ZNF618: variants seen among roughly 807,000 people sequenced by gnomAD.
The protein encoded by ZNF618 is zinc finger protein 618.
Under a neutral mutation model 103.0 loss-of-function variants are expected in ZNF618, and 34 were observed. That is an observed-to-expected ratio of 0.33 (90% CI 0.25 to 0.44). The LOEUF is 0.44. ZNF618 is among the 20% of genes least tolerant of loss of function. ZNF618 has a pLI of 1.00. For synonymous variants in ZNF618, 551 were observed against 542.2 expected, an observed-to-expected ratio of 1.02 and a Z score of -0.23; for missense variants, 1,059 against 1,295.4, an observed-to-expected ratio of 0.82 and a Z score of 2.80.
chr9:114,036,386 G>A lies in ZNF618; in HGVS notation c.1246+9G>A. On this transcript the variant is annotated intron_variant, in intron 13 of 14. Transcript: ENST00000374126. ...CATGCAGTCCCATGCAGGTAAGTAG[G>A]ATACGGCTTCTCTCCCCCTCTCCTT... The A allele has an allele frequency of 6.4e-7, 1 of 1,568,390 alleles. No individual in the cohort carries two copies. Among genetic ancestry groups the A allele is most frequent in the Admixed American group, 1.9e-5 (1 of 53,208 alleles).
chr9:113,969,169 C>T lies in ZNF618; in HGVS notation c.77+9C>T, dbSNP rs772126632. On this transcript the variant is annotated intron_variant, in intron 2 of 14. Coordinates refer to ENST00000374126, the MANE Select transcript of ZNF618 (RefSeq NM_001318042.2). ...AAAAGCACTGCGAGCAGGTACACTC[C>T]CTCTCCCGCCCCCAGCTTGTCCACC... is the stretch of plus-strand genomic sequence containing the variant. 1.5e-5 allele frequency: 25 copies of T among 1,613,850 alleles called. No individual in the cohort carries two copies. The highest frequency in any genetic ancestry group is 1.9e-5 in the Non-Finnish European group (22 of 1,179,896).
rs2134645858 is a variant in ZNF618 at position 114,047,905 on chromosome 9, A to G, written c.1259A>G (p.Asn420Ser). Residue 420 changes from asparagine to serine, a missense_variant, in exon 14 of 15, where the codon AAC becomes AGC. Asn to Ser is a conservative substitution (Grantham distance 46, BLOSUM62 1). Transcript: ENST00000374126. ...HMQSHAADNENNIASNQSRSP... is the reference protein window; with the variant it reads ...HMQSHAADNESNIASNQSRSP... Reference sequence around the variant, plus strand: ...TTTGTGCCCACAGCTGACAATGAAAACAACATTGCCTCCAACCAGTCCCGA... The same window carrying G: ...TTTGTGCCCACAGCTGACAATGAAAGCAACATTGCCTCCAACCAGTCCCGA... 5.0e-6 allele frequency: 8 copies of G among 1,600,954 alleles called. No individual in the cohort carries two copies. The highest frequency in any genetic ancestry group is 6.8e-6 in the Non-Finnish European group (8 of 1,173,842).
intron 10 of ZNF618, 117 bp from the exon 11 acceptor site, chr9:114,028,616 C>A: frequency 1.5e-6 from 2 of 1,356,086 alleles, no homozygotes; most frequent in Non-Finnish European, 2.0e-6. Context: ...CTCTGTGGCA[C>A]AAGAAGAGGT....
At chr9:114,026,656 G>C (rs528192084) in intron 10 of ZNF618, among the ~76,000 whole-genome samples, 1 of 152,366 alleles carries the variant, frequency 6.6e-6, no homozygotes, top group South Asian at 2.1e-4. Flanking sequence ...CACTAACTTT[G>C]TGTGTTGCCA....
chr9:114,024,748 T>C (rs1443271810), intron 10 of ZNF618, among the ~76,000 whole-genome samples: 6 of 140,476 alleles, frequency 4.3e-5, no homozygotes. Context: ...CCATCCCCCA[T>C]TAGCTGTTTT....
rs10121277 is a variant in ZNF618 at position 114,022,811 on chromosome 9, C to A, written c.845-5922C>A. On this transcript the variant is annotated intron_variant, in intron 10 of 14. Coordinates refer to ENST00000374126, the MANE Select transcript of ZNF618 (RefSeq NM_001318042.2). ...TTGTCAGTCTTCAATTTATGTAATTCGAACCTTTGTTATTAGGTACACACA... is the reference window on the plus strand; with the variant it reads ...TTGTCAGTCTTCAATTTATGTAATTAGAACCTTTGTTATTAGGTACACACA... 6.6e-5 allele frequency among the ~76,000 whole-genome samples: 10 copies of A among 151,948 alleles called. No homozygotes were observed. In the East Asian group the frequency reaches 1.9e-3, roughly 29 times the overall value.
chr9:113,999,752 G>A (rs771878662), intron 4 of ZNF618, among the ~76,000 whole-genome samples: 4 of 152,218 alleles, frequency 2.6e-5, no homozygotes, highest in East Asian at 1.9e-4. Flanking sequence ...CGCCATCATC[G>A]TGCGTTGTCC....
At chr9:113,969,496 C>G (rs1837746260) in intron 2 of ZNF618, among the ~76,000 whole-genome samples, 1 of 152,212 alleles carries the variant, frequency 6.6e-6, no homozygotes, top group Non-Finnish European at 1.5e-5. Context: ...CTGGGGCAGC[C>G]AGTCCCATCC....
chr9:114,004,641 G>A (rs1841574542), intron 6 of ZNF618, among the ~76,000 whole-genome samples: 3 of 152,030 alleles, frequency 2.0e-5, no homozygotes, highest in South Asian at 2.1e-4. Flanking sequence ...CGGCCATTGC[G>A]CGCTATTTTA....
At chr9:114,039,333 CTTGT>C (rs1844910185) in intron 13 of ZNF618, among the ~76,000 whole-genome samples, 1 of 142,418 alleles carries the variant, frequency 7.0e-6, no homozygotes, top group Non-Finnish European at 1.5e-5. Flanking sequence ...TTCTTTCTTT[CTTGT>C]TTGTTTTTTT....
chr9:113,948,162 G>C (rs1433455987), intron 1 of ZNF618, among the ~76,000 whole-genome samples: 1 of 152,136 alleles, frequency 6.6e-6, no homozygotes, highest in African/African-American at 2.4e-5. Flanking sequence ...CTCATAAATG[G>C]AGCGGTGGAA....
intron 1 of ZNF618, among the ~76,000 whole-genome samples, chr9:113,909,297 G>T (rs1472738638): frequency 2.0e-5 from 3 of 152,092 alleles, no homozygotes; most frequent in African/African-American, 7.2e-5. Flanking sequence ...CTTGCTTGGT[G>T]GTTGGGGGCT....
chr9:114,010,998 A>C (rs1234387783), intron 9 of ZNF618, among the ~76,000 whole-genome samples: 1 of 152,200 alleles, frequency 6.6e-6, no homozygotes, highest in Non-Finnish European at 1.5e-5. Flanking sequence ...GTGCTGTTGG[A>C]GCACACACAC....
At chr9:113,979,281 G>A (rs370521383) in intron 2 of ZNF618, among the ~76,000 whole-genome samples, 13 of 152,328 alleles carry the variant, frequency 8.5e-5, no homozygotes, top group African/African-American at 3.1e-4. Flanking sequence ...GGGCCTGAGT[G>A]TATGCTGATT....
chr9:113,989,511 G>A (rs1330423761), intron 3 of ZNF618, among the ~76,000 whole-genome samples: 3 of 152,138 alleles, frequency 2.0e-5, no homozygotes, highest in Admixed American at 6.5e-5. Context: ...CCTCATTCCT[G>A]GCGTGGAGGC....
In ZNF618 at chr9:114,028,982, G is replaced by A. The variant is rs1276137171; in HGVS notation, c.1084+10G>A. 1 of 1,547,786 alleles carries A rather than the reference G, an allele frequency of 6.5e-7. No homozygotes were observed. The highest frequency in any genetic ancestry group is 8.7e-7 in the Non-Finnish European group (1 of 1,145,754). ...AGCAAGGCAACCGCAGGTACCAATG[G>A]CCTATGTGACCCCCACACTTTCTCC... On this transcript the variant is annotated intron_variant, in intron 11 of 14. Coordinates refer to ENST00000374126, the MANE Select transcript of ZNF618 (RefSeq NM_001318042.2).
intron 1 of ZNF618, among the ~76,000 whole-genome samples, chr9:113,915,718 G>T (rs1480372807): frequency 1.3e-5 from 2 of 152,100 alleles, no homozygotes; most frequent in African/African-American, 4.8e-5. Flanking sequence ...GTTTCTGGGG[G>T]AAGGAGGAAA....
At position 114,048,887 on chromosome 9, in the gene ZNF618, A is replaced by C; in HGVS notation, c.1585A>C (p.Met529Leu). 1 of 1,608,996 alleles carries C rather than the reference A, an allele frequency of 6.2e-7. No individual in the cohort carries two copies. Among genetic ancestry groups the C allele is most frequent in the South Asian group, 1.1e-5 (1 of 90,204 alleles). The change falls in exon 15 of 15, where the codon ATG becomes CTG. Residue 529 changes from methionine (M) to leucine (L), a missense_variant. Around this residue, in one of 6 missense-constraint regions of ZNF618, gnomAD observed 272 missense variants for 380.1 expected, o/e 0.72. Transcript: ENST00000374126. ...GCTGGCGCTGAAGCACCTGCCACGC[A>C]TGTACAACCAGGTGAAGGTGAAAGT... ...NTLALKHLPR[M>L]YNQVKVKVTC... is the part of the protein sequence containing the mutation.
intron 1 of ZNF618, among the ~76,000 whole-genome samples, chr9:113,951,245 G>A (rs1166089256): frequency 6.6e-6 from 1 of 151,008 alleles, no homozygotes; most frequent in Admixed American, 6.6e-5. Flanking sequence ...AGATTAAAGG[G>A]AGGGTATTTA....
Sources: allele counts gnomAD v4.1 joint callset (sites outside exome capture counted in the v4.1 genomes callset), GRCh38; gene constraint gnomAD v4.1.1; regional missense constraint gnomAD v4.1.1; transcripts MANE v1.5; gene names NCBI Gene and HGNC (gene_info 2026-07-23, HGNC 2026-07-21).